The following FSTL4 variants were observed in gnomAD, a reference collection of about 807,000 sequenced individuals.
FSTL4 encodes follistatin-related protein 4.
A neutral mutation model predicts 78.2 loss-of-function variants in FSTL4; 28 were observed. The ratio of observed to expected loss-of-function variants is 0.36; its 90% CI spans 0.27 to 0.49. The LOEUF (loss-of-function observed/expected upper bound fraction) is 0.49, where lower values mean the gene tolerates loss of function less well. Ranked by LOEUF, FSTL4 falls within the 20% of genes least tolerant of loss-of-function variation. FSTL4 has a pLI of 0.98. For synonymous variants in FSTL4, 422 were observed against 440.5 expected (o/e 0.96, Z 0.53); for missense variants, 922 against 1,084.9 (o/e 0.85, Z 2.11).
chr5:133,782,297 T>C, the FSTL4 span, among the ~76,000 whole-genome samples: 24,793 of 152,328 alleles, frequency 0.16, 2,094 homozygotes, highest in East Asian at 0.32. Context: ...AAATATGTAC[T>C]GGGCCACTAC....
chr5:133,562,375 T>C (rs1759932614), intron 3 of FSTL4, among the ~76,000 whole-genome samples: 1 of 152,176 alleles, frequency 6.6e-6, no homozygotes, highest in Non-Finnish European at 1.5e-5. Context: ...TTCACCCAGA[T>C]GCAGAGAACT....
chr5:133,347,707 T>C (rs916549441), intron 4 of FSTL4, among the ~76,000 whole-genome samples: 6 of 152,200 alleles, frequency 3.9e-5, no homozygotes, highest in African/African-American at 1.2e-4. Flanking sequence ...ATTTTCCTTT[T>C]CTTAGTCCTC....
At chr5:133,227,129 C>T (rs1037953618) in intron 8 of FSTL4, among the ~76,000 whole-genome samples, 2 of 152,190 alleles carry the variant, frequency 1.3e-5, no homozygotes, top group African/African-American at 2.4e-5. Flanking sequence ...CTCCAATGGT[C>T]CAGAGCTGTT....
At chr5:133,352,263 TACACAC>T (rs1554107422) in intron 4 of FSTL4, among the ~76,000 whole-genome samples, 8 of 51,894 alleles carry the variant, frequency 1.5e-4, no homozygotes, top group South Asian at 4.9e-4. Context: ...CATATATATA[TACACAC>T]ATATATATAT....
chr5:133,577,729 C>A (rs1323695084), intron 2 of FSTL4, among the ~76,000 whole-genome samples: 1 of 150,906 alleles, frequency 6.6e-6, no homozygotes, highest in South Asian at 2.1e-4. Context: ...CATAGTGAAA[C>A]CCCCCTCTCT....
intron 3 of FSTL4, among the ~76,000 whole-genome samples, chr5:133,501,880 T>G (rs1439479697): frequency 6.6e-6 from 1 of 152,054 alleles, no homozygotes; most frequent in Non-Finnish European, 1.5e-5. Context: ...TAATCCAACA[T>G]GATTACTGTC....
chr5:133,693,390 A>G, the FSTL4 span, among the ~76,000 whole-genome samples: 1 of 152,236 alleles, frequency 6.6e-6, no homozygotes, highest in African/African-American at 2.4e-5. Context: ...TACAATTATG[A>G]AAAATTTTTT....
At chr5:133,416,788 T>C (rs1273764439) in intron 3 of FSTL4, among the ~76,000 whole-genome samples, 1 of 152,180 alleles carries the variant, frequency 6.6e-6, no homozygotes, top group Non-Finnish European at 1.5e-5. Context: ...GCTAAGGACA[T>C]AAAGATCAAG....
At chr5:133,455,013 T>G (rs1757457891) in intron 3 of FSTL4, among the ~76,000 whole-genome samples, 1 of 152,238 alleles carries the variant, frequency 6.6e-6, no homozygotes, top group Non-Finnish European at 1.5e-5. Flanking sequence ...AGCCCAGTAC[T>G]TGGTGCAGAG....
intron 4 of FSTL4, among the ~76,000 whole-genome samples, chr5:133,336,118 G>A (rs1326533581): frequency 6.6e-6 from 1 of 152,212 alleles, no homozygotes; most frequent in Non-Finnish European, 1.5e-5. Flanking sequence ...ACAAGGTGAA[G>A]AGCTCCAAAC....
intron 3 of FSTL4, among the ~76,000 whole-genome samples, chr5:133,444,508 A>T (rs1236688400): frequency 6.6e-6 from 1 of 152,204 alleles, no homozygotes; most frequent in East Asian, 1.9e-4. Context: ...GGTGATCAAA[A>T]AAGGTCTGTT....
At chr5:133,460,889 C>T (rs146663829) in intron 3 of FSTL4, among the ~76,000 whole-genome samples, 47 of 152,326 alleles carry the variant, frequency 3.1e-4, no homozygotes, top group African/African-American at 9.6e-4. Context: ...CTTCAGGTTA[C>T]GCCAAGCAAG....
rs574422453 is a variant in FSTL4 at position 133,298,715 on chromosome 5, T to G, written c.727+13939A>C. ...CCATGGTGCTGATTCATGTGGCACC[T>G]GCGGGGGTGTCTCAGTTCGCTCTGG... On this transcript the variant is annotated intron_variant, in intron 6 of 15. Coordinates refer to ENST00000265342, the MANE Select transcript of FSTL4 (RefSeq NM_015082.2). Among the ~76,000 whole-genome samples the G allele has an allele frequency of 4.6e-5, 7 of 152,324 alleles. No homozygotes were observed. The East Asian group carries it at 9.6e-4, about 21-fold the overall frequency.
chr5:133,636,068 C>A, the FSTL4 span, among the ~76,000 whole-genome samples: 9 of 152,136 alleles, frequency 5.9e-5, no homozygotes, highest in Admixed American at 1.3e-4. Flanking sequence ...CTATAATAGT[C>A]CCTCAATAAA....
At chr5:133,788,059 G>A in the FSTL4 span, among the ~76,000 whole-genome samples, 6 of 152,222 alleles carry the variant, frequency 3.9e-5, no homozygotes, top group Non-Finnish European at 7.3e-5. Context: ...AACAGAGGGC[G>A]TGTCGGAGGA....
At chr5:133,715,708 A>G in the FSTL4 span, among the ~76,000 whole-genome samples, 1 of 152,302 alleles carries the variant, frequency 6.6e-6, no homozygotes, top group Non-Finnish European at 1.5e-5. Context: ...ATTTTGCTCA[A>G]TGAGGACTGG....
At chr5:133,796,206 A>T in the FSTL4 span, among the ~76,000 whole-genome samples, 1 of 152,152 alleles carries the variant, frequency 6.6e-6, no homozygotes, top group Non-Finnish European at 1.5e-5. Context: ...GGTGTAGCTC[A>T]CCTGTTCAGT....
chr5:133,824,434 C>T, the FSTL4 span, among the ~76,000 whole-genome samples: 141 of 152,324 alleles, frequency 9.3e-4, no homozygotes, highest in Middle Eastern at 0.017. Flanking sequence ...TATTTAGGGG[C>T]CACCAGCCAT....
chr5:133,406,917 A>G (rs1580688689), intron 3 of FSTL4, among the ~76,000 whole-genome samples: 2 of 152,376 alleles, frequency 1.3e-5, no homozygotes, highest in South Asian at 2.1e-4. Context: ...AGTAGGTGGT[A>G]GAGCCTAGCT....
Sources: allele counts gnomAD v4.1 joint callset (sites outside exome capture counted in the v4.1 genomes callset), GRCh38; gene constraint gnomAD v4.1.1; transcripts MANE v1.5; gene names NCBI Gene and HGNC (gene_info 2026-07-23, HGNC 2026-07-21).